Variants in CAPZB observed in about 807,000 individuals in gnomAD.
CAPZB encodes the protein F-actin-capping protein subunit beta.
CAPZB carries 2 observed loss-of-function variants against 38.1 expected under a neutral mutation model. The ratio of observed to expected loss-of-function variants is 0.05; its 90% CI spans 0.02 to 0.17. The LOEUF (loss-of-function observed/expected upper bound fraction) is 0.17, where lower values mean the gene tolerates loss of function less well. CAPZB is among the 10% of genes least tolerant of loss of function. CAPZB has a pLI of 1.00. For synonymous variants in CAPZB, 107 were observed against 127.4 expected (o/e 0.84, Z 1.08); for missense variants, 161 against 334.2 (o/e 0.48, Z 4.04).
intron 2 of CAPZB, among the ~76,000 whole-genome samples, chr1:19,392,221 A>G (rs2094240172): frequency 6.6e-6 from 1 of 151,416 alleles, no homozygotes; most frequent in African/African-American, 2.4e-5. Flanking sequence ...CAGGAAGCGA[A>G]CCTGCAGGAG....
At chr1:19,425,775 T>C (rs536775634) in intron 1 of CAPZB, among the ~76,000 whole-genome samples, 6 of 152,332 alleles carry the variant, frequency 3.9e-5, no homozygotes, top group South Asian at 4.1e-4. Flanking sequence ...GACGGTATTA[T>C]GAAATCATCT....
At chr1:19,432,952 T>C (rs2094447235) in intron 1 of CAPZB, among the ~76,000 whole-genome samples, 1 of 152,230 alleles carries the variant, frequency 6.6e-6, no homozygotes, top group East Asian at 1.9e-4. Context: ...TCTGTCACCG[T>C]GGATTACAGA....
intron 1 of CAPZB, among the ~76,000 whole-genome samples, chr1:19,483,742 GC>G (rs2094639554): frequency 6.6e-6 from 1 of 152,190 alleles, no homozygotes; most frequent in African/African-American, 2.4e-5. Context: ...AAGGCCTGGG[GC>G]CAGGCCCACC....
At chr1:19,455,229 C>A (rs1159084473) in intron 1 of CAPZB, among the ~76,000 whole-genome samples, 1 of 152,158 alleles carries the variant, frequency 6.6e-6, no homozygotes, top group African/African-American at 2.4e-5. Context: ...ATATGAAAGG[C>A]CTGGCTGTGC....
chr1:19,447,378 T>G (rs1207081530), intron 1 of CAPZB, among the ~76,000 whole-genome samples: 1 of 103,356 alleles, frequency 9.7e-6, no homozygotes, highest in Non-Finnish European at 1.9e-5. Flanking sequence ...CTCCACCACA[T>G]CCAGCTAATT....
At chr1:19,468,791 CG>C (rs1372058789) in intron 1 of CAPZB, among the ~76,000 whole-genome samples, 1 of 152,160 alleles carries the variant, frequency 6.6e-6, no homozygotes, top group African/African-American at 2.4e-5. Flanking sequence ...AGTCGGCACA[CG>C]CCGTCTCTCT....
chr1:19,400,868 T>C (rs1356190835), intron 2 of CAPZB, among the ~76,000 whole-genome samples: 1 of 152,206 alleles, frequency 6.6e-6, no homozygotes, highest in Admixed American at 6.5e-5. Flanking sequence ...TTTTCACCAC[T>C]GGAGAGCTCA....
chr1:19,361,618 C>A (rs909665383), intron 4 of CAPZB, among the ~76,000 whole-genome samples: 4 of 152,220 alleles, frequency 2.6e-5, no homozygotes, highest in Non-Finnish European at 4.4e-5. Flanking sequence ...AGGGGGACCA[C>A]AACACGTTTT....
intron 1 of CAPZB, among the ~76,000 whole-genome samples, chr1:19,445,504 G>A (rs2094493049): frequency 6.6e-6 from 1 of 152,102 alleles, no homozygotes; most frequent in African/African-American, 2.4e-5. Flanking sequence ...TACAGAAAGT[G>A]AAACATCCCC....
In CAPZB at chr1:19,339,412, G is replaced by A; in HGVS notation, c.*118C>T. ...GAGATGGCGCTGTGCGGTCAATGATGCAGCTGTTATGTGACCTGTCGGGGA... is the reference window on the plus strand; with the variant it reads ...GAGATGGCGCTGTGCGGTCAATGATACAGCTGTTATGTGACCTGTCGGGGA... On this transcript the variant is annotated 3_prime_UTR_variant, in exon 9 of 9. Transcript: ENST00000264202. The A allele has an allele frequency of 1.3e-6, 1 of 780,766 alleles. No individual in the cohort carries two copies. Among genetic ancestry groups the A allele is most frequent in the Middle Eastern group, 2.3e-4 (1 of 4,326 alleles). The allele number at this position is 780,766 out of a possible 1,614,324, so 48.4% of individuals were successfully genotyped here.
At chr1:19,395,706 G>A (rs561292218) in intron 2 of CAPZB, among the ~76,000 whole-genome samples, 39 of 152,322 alleles carry the variant, frequency 2.6e-4, no homozygotes, top group Admixed American at 2.4e-3. Flanking sequence ...TTCCTGGCCA[G>A]GCACACAACC....
chr1:19,363,902 AC>A (rs1331753074), intron 4 of CAPZB, among the ~76,000 whole-genome samples: 1 of 152,188 alleles, frequency 6.6e-6, no homozygotes, highest in African/African-American at 2.4e-5. Flanking sequence ...TGCCACAAGA[AC>A]CAAGGCCAGG....
At chr1:19,460,897 T>C (rs895563703) in intron 1 of CAPZB, among the ~76,000 whole-genome samples, 2 of 151,968 alleles carry the variant, frequency 1.3e-5, no homozygotes. Context: ...TTGAACTGCA[T>C]TGTTAGCCTT....
chr1:19,383,628 G>A (rs1371859769), intron 3 of CAPZB, among the ~76,000 whole-genome samples: 4 of 152,144 alleles, frequency 2.6e-5, no homozygotes, highest in Non-Finnish European at 5.9e-5. Context: ...CTTCAAGGAT[G>A]AATTTGATCG....
In CAPZB at chr1:19,378,669, GA is replaced by G. The variant is rs768867824; in HGVS notation, c.216-17del. ...CCATGGTGACCTGGAGGGAAGGAAG[GA>G]AAAGTATATACCATGAATCGTTCCA... On this transcript the variant is annotated splice_polypyrimidine_tract_variant and intron_variant, in intron 3 of 8. Transcript: ENST00000264202. The G allele has an allele frequency of 7.4e-6, 10 of 1,359,138 alleles. No homozygotes were observed. Among genetic ancestry groups the G allele is most frequent in the Non-Finnish European group, 1.1e-5 (10 of 948,768 alleles). 84.2% of individuals were successfully genotyped at this position (1,359,138 alleles called of 1,614,324 possible).
chr1:19,449,266 C>T (rs1168318022), intron 1 of CAPZB: 13 of 1,063,676 alleles, frequency 1.2e-5, no homozygotes, highest in Non-Finnish European at 1.5e-5. Context: ...CTTGAAAATT[C>T]CGATGACAGC....
Position 19,476,600 on chromosome 1 carries a change from C to T in CAPZB, c.3+8836G>A, listed in dbSNP as rs1382132755. Among the ~76,000 whole-genome samples, 8 of 152,350 alleles carry T rather than the reference C, an allele frequency of 5.3e-5. No individual in the cohort carries two copies. The East Asian group carries it at 1.5e-3, about 29-fold the overall frequency. ...GATTAAGATGTGCTGCTGCCACTCA[C>T]GTCACAGGCAGGAAGAGCCAGGGAC... On this transcript the variant is annotated intron_variant, in intron 1 of 8. Coordinates refer to ENST00000264202, the MANE Select transcript of CAPZB (RefSeq NM_004930.5).
chr1:19,461,956 A>G (rs1467751893), intron 1 of CAPZB, among the ~76,000 whole-genome samples: 1 of 152,230 alleles, frequency 6.6e-6, no homozygotes. Context: ...CAATGAATAA[A>G]TATGTGCTAT....
chr1:19,484,467 G>A, intron 1 of CAPZB: 2 of 1,457,948 alleles, frequency 1.4e-6, no homozygotes, highest in Admixed American at 4.4e-5. Flanking sequence ...CACCCACGGC[G>A]GCAGCCTCGA....
Sources: allele counts gnomAD v4.1 joint callset (sites outside exome capture counted in the v4.1 genomes callset), GRCh38; gene constraint gnomAD v4.1.1; transcripts MANE v1.5; gene names NCBI Gene and HGNC (gene_info 2026-07-23, HGNC 2026-07-21).